Variants in OSBPL11 observed in about 807,000 individuals in gnomAD.
OSBPL11 encodes the protein oxysterol binding protein like 11.
OSBPL11 carries 33 observed loss-of-function variants against 84.4 expected under a neutral mutation model. That is an observed-to-expected ratio of 0.39 (90% CI 0.30 to 0.52). The LOEUF (loss-of-function observed/expected upper bound fraction) is 0.52, where lower values mean the gene tolerates loss of function less well. Ranked by LOEUF, OSBPL11 falls within the 20% of genes least tolerant of loss-of-function variation. The pLI is 0.72. For synonymous variants in OSBPL11, 276 were observed against 310.2 expected (o/e 0.89, Z 1.16); for missense variants, 736 against 901.1 (o/e 0.82, Z 2.35).
intron 1 of OSBPL11, among the ~76,000 whole-genome samples, chr3:125,589,224 C>T (rs1482730681): frequency 1.3e-5 from 2 of 151,816 alleles, no homozygotes; most frequent in Admixed American, 1.3e-4. Context: ...CCTGCCTGTA[C>T]CCAGCTACTC....
intron 5 of OSBPL11, among the ~76,000 whole-genome samples, chr3:125,574,485 T>G (rs1280959733): frequency 6.6e-6 from 1 of 151,616 alleles, no homozygotes; most frequent in Admixed American, 6.6e-5. Context: ...TAGCAGTTTT[T>G]TTTTTTTTTT....
Position 125,571,632 on chromosome 3 carries a change from G to A in OSBPL11, c.667-4037C>T, listed in dbSNP as rs371567504. ...CCAGCCATGGCTGAAAGGGGTCAAC[G>A]TAGAGCTCGTCTGTGGCCTCAGAGG... is the stretch of plus-strand genomic sequence containing the variant. On this transcript the variant is annotated intron_variant, in intron 5 of 12. Transcript: ENST00000296220. Among the ~76,000 whole-genome samples, 138 of 152,308 alleles carry A rather than the reference G, an allele frequency of 9.1e-4. 2 individuals carry two copies. In the South Asian group the frequency reaches 0.024, roughly 26 times the overall value.
At chr3:125,553,279 G>A (rs1935940610) in intron 8 of OSBPL11, among the ~76,000 whole-genome samples, 1 of 152,232 alleles carries the variant, frequency 6.6e-6, no homozygotes, top group African/African-American at 2.4e-5. Flanking sequence ...TGTTAGCCAT[G>A]CCTTTGCTCC....
intron 6 of OSBPL11, among the ~76,000 whole-genome samples, chr3:125,566,004 C>T (rs756519370): frequency 2.6e-5 from 4 of 152,026 alleles, no homozygotes; most frequent in South Asian, 2.1e-4. Context: ...GCACCCTACA[C>T]GTTATTATTA....
intron 9 of OSBPL11, among the ~76,000 whole-genome samples, chr3:125,550,359 A>G (rs1478424577): frequency 6.7e-6 from 1 of 148,882 alleles, no homozygotes; most frequent in African/African-American, 2.5e-5. Context: ...TGGGCGACAC[A>G]GCTAGACCGT....
At chr3:125,541,850 TG>T (rs1323310737) in intron 10 of OSBPL11, among the ~76,000 whole-genome samples, 1 of 152,206 alleles carries the variant, frequency 6.6e-6, no homozygotes, top group Non-Finnish European at 1.5e-5. Flanking sequence ...CCCAAAGTGC[TG>T]GGATTAGAGG....
intron 2 of OSBPL11, 97 bp downstream of exon 2, chr3:125,582,813 G>C: frequency 3.3e-6 from 3 of 918,866 alleles, no homozygotes; most frequent in Non-Finnish European, 5.0e-6. Context: ...AGGTTTCCCA[G>C]CCATGTCTGT....
rs1020481386 is a variant in OSBPL11 at position 125,529,946 on chromosome 3, T to A, written c.*569A>T. Reference sequence around the variant, plus strand: ...TAGGTAAGTTCCTCAGACACAGGCATACAGTCTTTTTGAAGAAATAGAATG... The same window carrying A: ...TAGGTAAGTTCCTCAGACACAGGCAAACAGTCTTTTTGAAGAAATAGAATG... On this transcript the variant is annotated 3_prime_UTR_variant, in exon 13 of 13. Transcript: ENST00000296220. 1 of 154,046 alleles carries A rather than the reference T, an allele frequency of 6.5e-6. No individual in the cohort carries two copies. Among genetic ancestry groups the A allele is most frequent in the Non-Finnish European group, 1.4e-5 (1 of 69,024 alleles). The allele number at this position is 154,046 out of a possible 1,614,324, so 9.5% of individuals were successfully genotyped here. A position where few individuals can be genotyped will look rare whatever the true frequency, so the allele number is the denominator to read the frequency against.
At chr3:125,585,717 T>G (rs1936499148) in intron 1 of OSBPL11, among the ~76,000 whole-genome samples, 2 of 152,200 alleles carry the variant, frequency 1.3e-5, no homozygotes, top group Admixed American at 1.3e-4. Context: ...TTGGAACAGC[T>G]GGTTGCAATG....
At position 125,547,436 on chromosome 3, in the gene OSBPL11, G is replaced by A. The variant is rs767589465; in HGVS notation, c.1811C>T (p.Thr604Ile). The change falls in exon 10 of 13, where the codon ACC (threonine) becomes ATC (isoleucine). Residue 604 changes from threonine to isoleucine, a missense_variant. By Grantham distance (89) the Thr-to-Ile change is moderately conservative (BLOSUM62 -1). Transcript: ENST00000296220. ...CAGTTTGCCACCATAAAATGGCTTG[G>A]TATGAAAAGTGATGCTGGCTGAATA... Reference protein sequence around the residue: ...TGYSASITFHTKPFYGGKLHR... With the variant: ...TGYSASITFHIKPFYGGKLHR... 10 of 1,613,992 alleles carry A rather than the reference G, an allele frequency of 6.2e-6. No homozygotes were observed. Among genetic ancestry groups the A allele is most frequent in the African/African-American group, 1.3e-5 (1 of 75,048 alleles).
chr3:125,590,511 T>G (rs1407468763), intron 1 of OSBPL11, among the ~76,000 whole-genome samples: 2 of 151,980 alleles, frequency 1.3e-5, no homozygotes, highest in Non-Finnish European at 2.9e-5. Context: ...AGCTAAGATC[T>G]GCCACCGCAC....
intron 7 of OSBPL11, among the ~76,000 whole-genome samples, chr3:125,562,244 A>G (rs1936089513): frequency 6.6e-6 from 1 of 152,156 alleles, no homozygotes; most frequent in African/African-American, 2.4e-5. Flanking sequence ...ATTTTAGTGT[A>G]TATGTTGTGA....
intron 1 of OSBPL11, among the ~76,000 whole-genome samples, chr3:125,586,976 A>C (rs1313912556): frequency 6.6e-6 from 1 of 152,206 alleles, no homozygotes; most frequent in Non-Finnish European, 1.5e-5. Context: ...GCATAAGAAA[A>C]TCAAAAAGGC....
chr3:125,579,163 C>T lies in OSBPL11; in HGVS notation c.410-124G>A, dbSNP rs1011877651. ...GTCTTACTCTCACTAGAGCAAACTT[C>T]CCTGACTGGAGGGAGGCAGGAAAGA... On this transcript the variant is annotated intron_variant, in intron 3 of 12. Coordinates refer to ENST00000296220, the MANE Select transcript of OSBPL11 (RefSeq NM_022776.5). 12 of 572,830 alleles carry T rather than the reference C, an allele frequency of 2.1e-5. No homozygotes were observed. The African/African-American group carries it at 2.1e-4, about 10-fold the overall frequency. 35.5% of individuals were successfully genotyped at this position (572,830 alleles called of 1,614,324 possible). A position where few individuals can be genotyped will look rare whatever the true frequency, so the allele number is the denominator to read the frequency against.
intron 10 of OSBPL11, among the ~76,000 whole-genome samples, chr3:125,542,845 A>G (rs3925988): frequency 0.11 from 17,146 of 152,016 alleles, 2,162 homozygotes; most frequent in African/African-American, 0.32. Flanking sequence ...GGGTTTCTCC[A>G]TGTTGGTCAG....
Position 125,542,067 on chromosome 3 carries a change from A to G in OSBPL11, c.1842-3434T>C, listed in dbSNP as rs546759839. Among the ~76,000 whole-genome samples the G allele has an allele frequency of 3.3e-5, 5 of 152,350 alleles. No homozygotes were observed. The South Asian group carries it at 1.0e-3, about 32-fold the overall frequency. ...TAAAAGTTAGGTACTTCAGAGAAAT[A>G]TTTTACAGGACAAAGGGAAATTGAG... On this transcript the variant is annotated intron_variant, in intron 10 of 12. Coordinates refer to ENST00000296220, the MANE Select transcript of OSBPL11 (RefSeq NM_022776.5).
intron 1 of OSBPL11, among the ~76,000 whole-genome samples, chr3:125,584,074 C>T (rs529972672): frequency 1.3e-5 from 2 of 152,200 alleles, no homozygotes; most frequent in South Asian, 2.1e-4. Flanking sequence ...TCCCGAAAAA[C>T]TTATTCTTGG....
intron 1 of OSBPL11, among the ~76,000 whole-genome samples, chr3:125,583,809 G>A (rs1936465042): frequency 6.6e-6 from 1 of 152,076 alleles, no homozygotes; most frequent in Non-Finnish European, 1.5e-5. Context: ...TAGAAATACA[G>A]CCACTTGGGT....
intron 6 of OSBPL11, among the ~76,000 whole-genome samples, 172 bp from the exon 7 acceptor site, chr3:125,564,015 G>C (rs1324700804): frequency 1.3e-5 from 2 of 152,034 alleles, no homozygotes. Context: ...ACCATGATTG[G>C]GTATTTTACA....
Sources: gnomAD v4.1 joint callset for allele counts (sites outside exome capture counted in the v4.1 genomes callset) on GRCh38, gnomAD v4.1.1 for gene constraint, MANE v1.5 for transcripts, NCBI Gene and HGNC (gene_info 2026-07-23, HGNC 2026-07-21) for gene names.